PACC1: variants seen among roughly 807,000 people sequenced by gnomAD.
PACC1 encodes the protein proton-activated chloride channel.
In PACC1, 34 loss-of-function variants were observed where a neutral mutation model predicts 39.7. The observed-to-expected ratio is 0.86, with a 90% CI of 0.65 to 1.14. PACC1 has a LOEUF of 1.14. PACC1 is among the 50% of genes most tolerant of loss of function. PACC1 has a pLI of 0.00. For missense variants in PACC1, 379 were observed against 436.4 expected (o/e 0.87, Z 1.17); for synonymous variants, 127 against 160.6 (o/e 0.79, Z 1.58).
At position 212,379,921 on chromosome 1, in the gene PACC1, G is replaced by A. The variant is rs140868792; in HGVS notation, c.612C>T (p.Phe204=). 1 of 1,614,096 alleles carries A rather than the reference G, an allele frequency of 6.2e-7. No homozygotes were observed. Among genetic ancestry groups the A allele is most frequent in the African/African-American group, 1.3e-5 (1 of 74,934 alleles). ...TTTGCAGGAACTCCTGGAAAGAAGAGAAGAGGAGGTAATCAATGGCGCTGA... is the reference window on the plus strand; with the variant it reads ...TTTGCAGGAACTCCTGGAAAGAAGAAAAGAGGAGGTAATCAATGGCGCTGA... The part of the protein sequence containing the change: ...EDFSAIDYLL[F]SSFQEFLQSP... The change falls in exon 5 of 8, where the codon TTC becomes TTT. Residue 204 remains phenylalanine (F), a synonymous_variant. Coordinates refer to ENST00000261455, the MANE Select transcript of PACC1 (RefSeq NM_018252.3).
At chr1:212,390,922 G>A (rs1409151188) in intron 2 of PACC1, among the ~76,000 whole-genome samples, 2 of 152,230 alleles carry the variant, frequency 1.3e-5, no homozygotes, top group East Asian at 3.8e-4. Context: ...TGAGGCTTGA[G>A]TAGGTAAACA....
chr1:212,401,839 A>G (rs1317066604), intron 2 of PACC1, among the ~76,000 whole-genome samples: 1 of 151,664 alleles, frequency 6.6e-6, no homozygotes, highest in Non-Finnish European at 1.5e-5. Flanking sequence ...ATACCTGGCT[A>G]ATTTTTCATA....
chr1:212,368,232 C>T (rs962207644), intron 7 of PACC1, among the ~76,000 whole-genome samples: 3 of 152,320 alleles, frequency 2.0e-5, no homozygotes, highest in African/African-American at 7.2e-5. Context: ...CATCATCAGT[C>T]ACCTTTCAAT....
chr1:212,373,758 A>T (rs1660545506), intron 7 of PACC1, among the ~76,000 whole-genome samples: 1 of 152,216 alleles, frequency 6.6e-6, no homozygotes, highest in Admixed American at 6.5e-5. Flanking sequence ...AATATGCTCA[A>T]CAACACTAAT....
chr1:212,410,404 C>A (rs909635577), intron 2 of PACC1, 21 bp downstream of exon 2: 8 of 1,611,556 alleles, frequency 5.0e-6, no homozygotes, highest in Non-Finnish European at 5.9e-6. Context: ...AACAGCACAG[C>A]AAAGCACCAA....
chr1:212,381,024 C>T (rs961373850), intron 4 of PACC1, among the ~76,000 whole-genome samples: 1 of 152,200 alleles, frequency 6.6e-6, no homozygotes, highest in African/African-American at 2.4e-5. Flanking sequence ...CTGTCAGTTA[C>T]AAAGTTTTGT....
chr1:212,405,074 G>A (rs749748160), intron 2 of PACC1, among the ~76,000 whole-genome samples: 1 of 152,128 alleles, frequency 6.6e-6, no homozygotes, highest in Non-Finnish European at 1.5e-5. Flanking sequence ...CTTCAGGTGT[G>A]AGCCACCACG....
chr1:212,393,946 T>C (rs1426288379), intron 2 of PACC1, among the ~76,000 whole-genome samples: 1 of 151,938 alleles, frequency 6.6e-6, no homozygotes, highest in Non-Finnish European at 1.5e-5. Flanking sequence ...CAATAATTAA[T>C]AGCTTACCAA....
At chr1:212,367,286 AAGG>A (rs1054126501) in intron 7 of PACC1, among the ~76,000 whole-genome samples, 1 of 152,204 alleles carries the variant, frequency 6.6e-6, no homozygotes, top group Non-Finnish European at 1.5e-5. Context: ...GAAGAGTAGA[AAGG>A]AGGGTCTCAC....
chr1:212,410,994 G>A (rs544852341), intron 1 of PACC1, among the ~76,000 whole-genome samples: 1 of 152,260 alleles, frequency 6.6e-6, no homozygotes, highest in Non-Finnish European at 1.5e-5. Flanking sequence ...CATGGTCATC[G>A]TCTTGAAGGA....
intron 1 of PACC1, chr1:212,413,957 G>C: frequency 6.5e-7 from 1 of 1,535,816 alleles, no homozygotes; most frequent in African/African-American, 1.4e-5. Flanking sequence ...GAAGAGGACG[G>C]TTGCCAAAGA....
rs1027763982 is a variant in PACC1 at position 212,414,149 on chromosome 1, G to A, written c.36+573C>T. 21 of 1,437,008 alleles carry A rather than the reference G, an allele frequency of 1.5e-5. No homozygotes were observed. In the African/African-American group the frequency reaches 2.3e-4, roughly 16 times the overall value. The allele number at this position is 1,437,008 out of a possible 1,614,324, so 89.0% of individuals were successfully genotyped here. A position where few individuals can be genotyped will look rare whatever the true frequency, so the allele number is the denominator to read the frequency against. On this transcript the variant is annotated intron_variant, in intron 1 of 7. Transcript: ENST00000261455. ...AAAGTCGTGGGAGGAGGTGAGACTG[G>A]AGGGAGAGACGAAGAGGAGCGAGAA... is the stretch of plus-strand genomic sequence containing the variant.
At chr1:212,404,294 G>A (rs913030543) in intron 2 of PACC1, among the ~76,000 whole-genome samples, 1 of 151,570 alleles carries the variant, frequency 6.6e-6, no homozygotes, top group Non-Finnish European at 1.5e-5. Context: ...TTTTAGTAGA[G>A]ACGGGGTTTC....
At chr1:212,407,096 C>G (rs1031766089) in intron 2 of PACC1, among the ~76,000 whole-genome samples, 1 of 152,218 alleles carries the variant, frequency 6.6e-6, no homozygotes, top group Non-Finnish European at 1.5e-5. Flanking sequence ...GCAAATGGGA[C>G]TAAGGTTGCT....
In PACC1 at chr1:212,387,107, A is replaced by G; in HGVS notation, c.134-7T>C. On this transcript the variant is annotated splice_region_variant and splice_polypyrimidine_tract_variant and intron_variant, in intron 2 of 7. Transcript: ENST00000261455. ...GCGGACTCGCTGTCCAGGCCTGACA[A>G]CAACAAAACACCATGTGACCCAGGG... The G allele has an allele frequency of 1.2e-6, 2 of 1,613,348 alleles. No individual in the cohort carries two copies. The highest frequency in any genetic ancestry group is 1.7e-6 in the Non-Finnish European group (2 of 1,179,976).
chr1:212,404,337 A>T (rs1375567066), intron 2 of PACC1, among the ~76,000 whole-genome samples: 1 of 149,594 alleles, frequency 6.7e-6, no homozygotes, highest in African/African-American at 2.5e-5. Flanking sequence ...CGATCTCCTG[A>T]CCTCGTGATC....
intron 2 of PACC1, among the ~76,000 whole-genome samples, chr1:212,389,954 G>C (rs1571657424): frequency 6.6e-6 from 1 of 152,182 alleles, no homozygotes; most frequent in East Asian, 1.9e-4. Flanking sequence ...TCACTGTATA[G>C]GCTTAATAGC....
intron 4 of PACC1, 92 bp downstream of exon 4, chr1:212,385,181 AG>A: frequency 6.9e-7 from 1 of 1,441,534 alleles, no homozygotes; most frequent in Non-Finnish European, 9.6e-7. Flanking sequence ...AGTGAGTGGA[AG>A]AAGGACTCCT....
chr1:212,414,104 A>G, intron 1 of PACC1: 1 of 1,509,306 alleles, frequency 6.6e-7, no homozygotes. Context: ...CAGAGAAGAG[A>G]CAAAGAACTG....
Sources: gnomAD v4.1 joint callset for allele counts (sites outside exome capture counted in the v4.1 genomes callset) on GRCh38, gnomAD v4.1.1 for gene constraint, MANE v1.5 for transcripts, NCBI Gene and HGNC (gene_info 2026-07-23, HGNC 2026-07-21) for gene names.